PLCXD3: variants seen among roughly 807,000 people sequenced by gnomAD.
PLCXD3 encodes PI-PLC X domain-containing protein 3.
In PLCXD3, 19 loss-of-function variants were observed where a neutral mutation model predicts 25.5. That is an observed-to-expected ratio of 0.75 (90% CI 0.52 to 1.09). PLCXD3 has a LOEUF of 1.09. Ranked by LOEUF, PLCXD3 falls within the 50% of genes least tolerant of loss-of-function variation. The pLI is 0.00. For synonymous variants in PLCXD3, 174 were observed against 137.6 expected, an observed-to-expected ratio of 1.26 and a Z score of -1.85; for missense variants, 411 against 388.1, an observed-to-expected ratio of 1.06 and a Z score of -0.50.
At chr5:41,465,709 G>A (rs1561281674) in intron 1 of PLCXD3, among the ~76,000 whole-genome samples, 3 of 151,902 alleles carry the variant, frequency 2.0e-5, no homozygotes, top group Non-Finnish European at 4.4e-5. Flanking sequence ...TGGGGGCCAG[G>A]GAGCATGTGT....
chr5:41,411,544 T>G (rs185872134), intron 1 of PLCXD3, among the ~76,000 whole-genome samples: 1 of 152,228 alleles, frequency 6.6e-6, no homozygotes, highest in Non-Finnish European at 1.5e-5. Context: ...TAATAAGAAA[T>G]GTTTATAAAA....
intron 2 of PLCXD3, among the ~76,000 whole-genome samples, chr5:41,376,898 C>A (rs1745313547): frequency 6.6e-6 from 1 of 152,030 alleles, no homozygotes; most frequent in Admixed American, 6.6e-5. Flanking sequence ...ACTCGGTCTA[C>A]CTGAATGTAC....
chr5:41,309,789 A>G lies in PLCXD3; in HGVS notation c.*3828T>C, dbSNP rs1001535126. 6.6e-6 allele frequency: 1 copy of G among 152,158 alleles called. No homozygotes were observed. The highest frequency in any genetic ancestry group is 1.5e-5 in the Non-Finnish European group (1 of 68,000). The allele number at this position is 152,158 out of a possible 1,614,324, so 9.4% of individuals were successfully genotyped here. A position where few individuals can be genotyped will look rare whatever the true frequency, so the allele number is the denominator to read the frequency against. ...TTGAAGTGAAATTGAGAATTTAGAT[A>G]GACTGTTCGTGCCAGGCATTTTCTA... is the stretch of plus-strand genomic sequence containing the variant. On this transcript the variant is annotated 3_prime_UTR_variant, in exon 3 of 3. Coordinates refer to ENST00000377801, the MANE Select transcript of PLCXD3 (RefSeq NM_001005473.3).
intron 1 of PLCXD3, among the ~76,000 whole-genome samples, chr5:41,441,807 A>T (rs1747390942): frequency 6.6e-6 from 1 of 152,246 alleles, no homozygotes; most frequent in Non-Finnish European, 1.5e-5. Flanking sequence ...AATGAAAATA[A>T]CAATATGATC....
chr5:41,337,595 A>G (rs1017310518), intron 2 of PLCXD3, among the ~76,000 whole-genome samples: 2 of 152,182 alleles, frequency 1.3e-5, no homozygotes, highest in African/African-American at 4.8e-5. Flanking sequence ...AGGAATGAAT[A>G]TAAGTGGAAT....
At chr5:41,509,967 T>G (rs1049421150) in intron 1 of PLCXD3, among the ~76,000 whole-genome samples, 1 of 152,146 alleles carries the variant, frequency 6.6e-6, no homozygotes, top group African/African-American at 2.4e-5. Flanking sequence ...CGAGAATCTA[T>G]CAAATCCGCC....
chr5:41,421,135 T>C (rs1746810081), intron 1 of PLCXD3, among the ~76,000 whole-genome samples: 1 of 152,196 alleles, frequency 6.6e-6, no homozygotes, highest in South Asian at 2.1e-4. Context: ...TATAAAATGT[T>C]AGGCATATTT....
chr5:41,451,128 A>G (rs564416833), intron 1 of PLCXD3, among the ~76,000 whole-genome samples: 1 of 152,218 alleles, frequency 6.6e-6, no homozygotes, highest in African/African-American at 2.4e-5. Context: ...CATATTGAAC[A>G]ATTTTTACTC....
chr5:41,384,747 A>C (rs1745584512), intron 1 of PLCXD3, among the ~76,000 whole-genome samples: 1 of 152,086 alleles, frequency 6.6e-6, no homozygotes, highest in Admixed American at 6.6e-5. Flanking sequence ...CTGTGAAAGG[A>C]TATTATACTT....
At chr5:41,321,990 T>G (rs59161467) in intron 2 of PLCXD3, among the ~76,000 whole-genome samples, 427 of 152,312 alleles carry the variant, frequency 2.8e-3, no homozygotes, top group African/African-American at 9.5e-3. Flanking sequence ...AAGAAAACTT[T>G]GGGGAAAATC....
At chr5:41,414,180 A>C (rs1244930463) in intron 1 of PLCXD3, among the ~76,000 whole-genome samples, 4 of 152,032 alleles carry the variant, frequency 2.6e-5, no homozygotes, top group Non-Finnish European at 5.9e-5. Flanking sequence ...TCTTGGCCTT[A>C]GCTCTTGATT....
chr5:41,468,359 GT>G (rs1261045155), intron 1 of PLCXD3, among the ~76,000 whole-genome samples: 1 of 151,906 alleles, frequency 6.6e-6, no homozygotes, highest in Non-Finnish European at 1.5e-5. Flanking sequence ...GGCTATATGG[GT>G]TTTTTTGTGG....
intron 1 of PLCXD3, among the ~76,000 whole-genome samples, chr5:41,387,317 A>G (rs1167837864): frequency 6.6e-6 from 1 of 152,094 alleles, no homozygotes; most frequent in Non-Finnish European, 1.5e-5. Flanking sequence ...TTCTAGCATG[A>G]TCCTGAGCAG....
chr5:41,474,039 C>T (rs558737310), intron 1 of PLCXD3, among the ~76,000 whole-genome samples: 1 of 152,292 alleles, frequency 6.6e-6, no homozygotes, highest in Admixed American at 6.5e-5. Flanking sequence ...ACCGTTACTA[C>T]TGTTACTACT....
At chr5:41,427,475 C>A (rs1199711128) in intron 1 of PLCXD3, among the ~76,000 whole-genome samples, 1 of 152,092 alleles carries the variant, frequency 6.6e-6, no homozygotes. Flanking sequence ...TTACTCTTTC[C>A]TTTGGCTTCT....
chr5:41,459,686 G>A (rs1263384221), intron 1 of PLCXD3, among the ~76,000 whole-genome samples: 3 of 151,556 alleles, frequency 2.0e-5, no homozygotes, highest in East Asian at 2.0e-4. Flanking sequence ...ATTCCACTCA[G>A]TTCCATCAGA....
At chr5:41,320,741 C>T (rs1743444193) in intron 2 of PLCXD3, among the ~76,000 whole-genome samples, 1 of 152,232 alleles carries the variant, frequency 6.6e-6, no homozygotes, top group Non-Finnish European at 1.5e-5. Flanking sequence ...CGTGATCCGT[C>T]CGCCTCGGCC....
chr5:41,424,908 AC>A (rs1746918861), intron 1 of PLCXD3, among the ~76,000 whole-genome samples: 1 of 152,182 alleles, frequency 6.6e-6, no homozygotes, highest in Admixed American at 6.5e-5. Context: ...AATCATACAT[AC>A]CCTTACTAAT....
chr5:41,491,867 A>G (rs1748705397), intron 1 of PLCXD3, among the ~76,000 whole-genome samples: 1 of 152,068 alleles, frequency 6.6e-6, no homozygotes, highest in African/African-American at 2.4e-5. Flanking sequence ...CAGCACACTG[A>G]TGGGTCTTGA....
Sources: gnomAD v4.1 joint callset for allele counts (sites outside exome capture counted in the v4.1 genomes callset) on GRCh38, gnomAD v4.1.1 for gene constraint, MANE v1.5 for transcripts, NCBI Gene and HGNC (gene_info 2026-07-23, HGNC 2026-07-21) for gene names.